Variants in VIPR1 observed in about 807,000 individuals in gnomAD.
The protein encoded by VIPR1 is vasoactive intestinal polypeptide receptor 1.
VIPR1 carries 59 observed loss-of-function variants against 58.8 expected under a neutral mutation model. The observed-to-expected ratio is 1.00, with a 90% CI of 0.81 to 1.25. The LOEUF (loss-of-function observed/expected upper bound fraction) is 1.25. VIPR1 is among the 50% of genes most tolerant of loss of function. The pLI is 0.00. For synonymous variants in VIPR1, 251 were observed against 242.1 expected (o/e 1.04, Z -0.34); for missense variants, 626 against 602.7 (o/e 1.04, Z -0.40).
At chr3:42,515,126 C>T (rs928632672) in intron 2 of VIPR1, among the ~76,000 whole-genome samples, 1 of 152,232 alleles carries the variant, frequency 6.6e-6, no homozygotes, top group African/African-American at 2.4e-5. Flanking sequence ...AACAGCCTTG[C>T]TCAGGAGCAG....
chr3:42,522,101 A>AT (rs1158302778), intron 3 of VIPR1, among the ~76,000 whole-genome samples: 14 of 35,370 alleles, frequency 4.0e-4, no homozygotes, highest in East Asian at 7.7e-4. Flanking sequence ...ATATATATAT[A>AT]TTTTTTTTTT....
At chr3:42,520,450 G>A (rs1700857353) in intron 3 of VIPR1, among the ~76,000 whole-genome samples, 1 of 152,164 alleles carries the variant, frequency 6.6e-6, no homozygotes, top group South Asian at 2.1e-4. Context: ...CCAATCACAA[G>A]GCAGGCAGGA....
chr3:42,505,925 C>T (rs941713250), intron 1 of VIPR1, among the ~76,000 whole-genome samples: 2 of 152,212 alleles, frequency 1.3e-5, no homozygotes, highest in African/African-American at 4.8e-5. Context: ...ACCCCTGGAG[C>T]ACCAGGGTCT....
At chr3:42,499,763 C>A (rs1008336866), upstream of VIPR1, among the ~76,000 whole-genome samples, 10 of 152,152 alleles carry the variant, frequency 6.6e-5, no homozygotes, top group African/African-American at 2.4e-4. Context: ...GTCGGCCCCC[C>A]CTCTGCTTCT....
At chr3:42,535,763 T>C (rs1224273376) in intron 12 of VIPR1, among the ~76,000 whole-genome samples, 1 of 151,936 alleles carries the variant, frequency 6.6e-6, no homozygotes, top group Non-Finnish European at 1.5e-5. Flanking sequence ...CTGGTTACAT[T>C]GCACAAAAAA....
chr3:42,535,941 G>A, intron 12 of VIPR1, 149 bp from the exon 13 acceptor site: 1 of 984,994 alleles, frequency 1.0e-6, no homozygotes, highest in Non-Finnish European at 1.5e-6. Flanking sequence ...TCCCAAGTTT[G>A]CACCGCCCGA....
chr3:42,502,870 G>A (rs1699932460), intron 1 of VIPR1, 57 bp downstream of exon 1: 2 of 1,196,170 alleles, frequency 1.7e-6, no homozygotes, highest in Admixed American at 4.3e-5. Flanking sequence ...CGGAGGGCGG[G>A]GGAGGTGGGG....
chr3:42,527,878 C>A, intron 5 of VIPR1, 113 bp from the exon 6 acceptor site: 1 of 1,447,030 alleles, frequency 6.9e-7, no homozygotes, highest in Non-Finnish European at 9.4e-7. Context: ...GGGGCCTGCC[C>A]TCTGGAGGAC....
At chr3:42,509,726 C>T (rs569648590) in intron 1 of VIPR1, 3 of 152,364 alleles carry the variant, frequency 2.0e-5, no homozygotes, top group East Asian at 1.9e-4. Context: ...TCTTCTCCAT[C>T]CTGGTCTTCT....
chr3:42,526,644 G>T (rs1332395155), intron 4 of VIPR1, among the ~76,000 whole-genome samples: 1 of 152,146 alleles, frequency 6.6e-6, no homozygotes, highest in Non-Finnish European at 1.5e-5. Context: ...CCCGAGGACA[G>T]CAATTTCTTC....
intron 1 of VIPR1, among the ~76,000 whole-genome samples, chr3:42,496,822 A>C (rs1203575125): frequency 1.3e-5 from 2 of 152,128 alleles, no homozygotes; most frequent in African/African-American, 4.8e-5. Flanking sequence ...TCATACGAGC[A>C]ATCTTTATTT....
intron 7 of VIPR1, 92 bp from the exon 8 acceptor site, chr3:42,531,379 T>C (rs1456112581): frequency 1.5e-6 from 2 of 1,354,826 alleles, no homozygotes; most frequent in Admixed American, 2.0e-5. Flanking sequence ...TCTCCCTCCC[T>C]CTCCCTGCTT....
chr3:42,536,308 G>A lies in VIPR1; in HGVS notation c.*27G>A. Reference sequence around the variant, plus strand: ...CACCAGGATCCCAGGGGCCCAAGGCGGCCCCTCCCGCCCCTTCCCACTCAC... The same window carrying A: ...CACCAGGATCCCAGGGGCCCAAGGCAGCCCCTCCCGCCCCTTCCCACTCAC... On this transcript the variant is annotated 3_prime_UTR_variant, in exon 13 of 13. Coordinates refer to ENST00000325123, the MANE Select transcript of VIPR1 (RefSeq NM_004624.4). 6.7e-7 allele frequency: 1 copy of A among 1,489,412 alleles called. No individual in the cohort carries two copies. Among genetic ancestry groups the A allele is most frequent in the Non-Finnish European group, 8.9e-7 (1 of 1,123,156 alleles). The allele number at this position is 1,489,412 out of a possible 1,614,324, so 92.3% of individuals were successfully genotyped here.
At chr3:42,489,521 C>G (rs1033388234) in exon 1 of VIPR1, 1 of 152,278 alleles carries the variant, frequency 6.6e-6, no homozygotes, top group African/African-American at 2.4e-5. Context: ...GGCTTCCCCC[C>G]AATCAGAAGG....
chr3:42,523,089 G>C (rs414977), intron 3 of VIPR1, among the ~76,000 whole-genome samples: 45,062 of 146,210 alleles, frequency 0.31, 8,720 homozygotes, highest in African/African-American at 0.55. Context: ...CCCTGACCCC[G>C]CCCCCAGTGG....
intron 8 of VIPR1, 124 bp downstream of exon 8, chr3:42,531,655 G>T: frequency 6.4e-7 from 1 of 1,550,930 alleles, no homozygotes; most frequent in South Asian, 1.1e-5. Context: ...CAGAGGGGAG[G>T]CTGGAGGAGG....
rs181423044 is a variant in VIPR1 at position 42,494,557 on chromosome 3, C to A, written c.-245+4879C>A. On this transcript the variant is annotated intron_variant, in intron 1 of 13. Transcript: ENST00000433647. ...TATTGGCATTAAGATAGTATTCCCT[C>A]ATAGCTTTCAAATATACTCTATTCT... Among the ~76,000 whole-genome samples the A allele has an allele frequency of 7.2e-5, 11 of 152,352 alleles. No individual in the cohort carries two copies. In the East Asian group the frequency reaches 1.3e-3, roughly 19 times the overall value.
rs1256747931 is a variant in VIPR1 at position 42,536,114 on chromosome 3, T to A, written c.1207T>A (p.Trp403Arg). ...GGTGCAGGCGGAGCTGAGGCGGAAG[T>A]GGCGGCGCTGGCACCTGCAGGGCGT... The part of the protein sequence containing the change: ...GEVQAELRRK[W>R]RRWHLQGVLG... The change falls in exon 13 of 13, where the codon TGG becomes AGG. Residue 403 changes from tryptophan to arginine, a missense_variant. Trp to Arg is a moderately radical substitution (Grantham distance 101, BLOSUM62 -3). Coordinates refer to ENST00000325123, the MANE Select transcript of VIPR1 (RefSeq NM_004624.4). The A allele has an allele frequency of 1.2e-6, 2 of 1,602,440 alleles. No individual in the cohort carries two copies. The highest frequency in any genetic ancestry group is 1.7e-5 in the Admixed American group (1 of 59,052).
upstream of VIPR1, chr3:42,501,993 A>G (rs923438173): frequency 6.6e-6 from 1 of 152,296 alleles, no homozygotes; most frequent in Non-Finnish European, 1.5e-5. This position sits in a 1 kb window ranked among gnomAD's most constrained non-coding sequence, Gnocchi z 4.8. Flanking sequence ...CCACCAGGTC[A>G]CCCGGGAGCA....
Sources: gnomAD v4.1 joint callset for allele counts (sites outside exome capture counted in the v4.1 genomes callset) on GRCh38, gnomAD v4.1.1 for gene constraint, Gnocchi (gnomAD v3.1) non-coding constraint, MANE v1.5 for transcripts, NCBI Gene and HGNC (gene_info 2026-07-23, HGNC 2026-07-21) for gene names.